SCAMP4: variants seen among roughly 807,000 people sequenced by gnomAD.
SCAMP4 encodes secretory carrier membrane protein 4.
SCAMP4 carries 19 observed loss-of-function variants against 32.1 expected under a neutral mutation model. The ratio of observed to expected loss-of-function variants is 0.59; its 90% confidence interval spans 0.41 to 0.87. SCAMP4 has a LOEUF of 0.87. Ranked by LOEUF, SCAMP4 falls within the 40% of genes least tolerant of loss-of-function variation. SCAMP4 has a pLI of 0.00. For missense variants in SCAMP4, 302 were observed against 309.0 expected (o/e 0.98, Z 0.17); for synonymous variants, 152 against 132.7 (o/e 1.15, Z -1.00).
rs144457634 is a variant in SCAMP4 at position 1,916,932 on chromosome 19, C to T, written c.8-762C>T. Among the ~76,000 whole-genome samples, 293 of 152,380 alleles carry T rather than the reference C, an allele frequency of 1.9e-3. 3 individuals carry two copies. The highest frequency in any genetic ancestry group is 0.017 in the Middle Eastern group (5 of 294). ...GATACTAAATGCAGCCTGCTGCAGC[C>T]GCACCCACACTAAACATGGAGGAGG... On this transcript the variant is annotated intron_variant, in intron 2 of 6. Transcript: ENST00000316097.
intron 3 of SCAMP4, 76 bp from the exon 4 acceptor site, chr19:1,918,051 C>G (rs1488780009): frequency 1.3e-6 from 2 of 1,534,272 alleles, no homozygotes; most frequent in South Asian, 2.4e-5. Context: ...CAGCGGGTGC[C>G]CCATTGCTGG....
intron 1 of SCAMP4, 54 bp from the exon 2 acceptor site, chr19:1,914,925 G>A: frequency 3.4e-6 from 5 of 1,482,360 alleles, no homozygotes; most frequent in Non-Finnish European, 4.7e-6. Context: ...TGGGTGGTTA[G>A]CGCTCTGCCC....
chr19:1,909,190 G>C (rs996048228), intron 1 of SCAMP4, among the ~76,000 whole-genome samples: 3 of 152,114 alleles, frequency 2.0e-5, no homozygotes, highest in African/African-American at 7.2e-5. Context: ...GGGGGCAGAT[G>C]CAGGTGGGGG....
chr19:1,920,477 C>G, intron 5 of SCAMP4: 1 of 700,922 alleles, frequency 1.4e-6, no homozygotes, highest in Non-Finnish European at 1.8e-6. Context: ...TCCAGGGTGG[C>G]TGGGATCTGT....
intron 5 of SCAMP4, among the ~76,000 whole-genome samples, chr19:1,919,892 C>T (rs2013865473): frequency 6.6e-6 from 1 of 151,576 alleles, no homozygotes; most frequent in South Asian, 2.1e-4. Flanking sequence ...TCACTGCAAC[C>T]TTCACCTCCC....
chr19:1,920,091 G>A lies in SCAMP4; in HGVS notation c.395+1101G>A, dbSNP rs546850214. 1.1e-5 allele frequency: 11 copies of A among 976,876 alleles called. No individual in the cohort carries two copies. In the African/African-American group the frequency reaches 1.4e-4, roughly 12 times the overall value. 60.5% of individuals were successfully genotyped at this position (976,876 alleles called of 1,614,324 possible). A position where few individuals can be genotyped will look rare whatever the true frequency, so the allele number is the denominator to read the frequency against. ...CTCCCAAAGTGCTGGGATTACAGGCGTGAGCCACTGTGCCTGGCCAAATTT... is the reference window on the plus strand; with the variant it reads ...CTCCCAAAGTGCTGGGATTACAGGCATGAGCCACTGTGCCTGGCCAAATTT... On this transcript the variant is annotated intron_variant, in intron 5 of 6. Transcript: ENST00000316097.
chr19:1,922,067 C>T (rs2145459949), intron 5 of SCAMP4: 1 of 985,462 alleles, frequency 1.0e-6, no homozygotes. Flanking sequence ...TACGTCGTGC[C>T]TGCCTTTAAG....
Position 1,918,221 on chromosome 19 carries a change from G to A in SCAMP4, c.231G>A (p.Trp77Ter). ...CCAACTTCGGCCTGGCCTTCGTGTGGCTGCTCCTGTTCACGCCTTGCGGCT... is the reference window on the plus strand; with the variant it reads ...CCAACTTCGGCCTGGCCTTCGTGTGACTGCTCCTGTTCACGCCTTGCGGCT... ...SGTNFGLAFVWLLLFTPCGYV... is the reference protein window; with the variant it reads ...SGTNFGLAFV Residue 77 changes from tryptophan (W) to a stop codon, truncating the protein, a stop_gained, in exon 4 of 7, where the codon TGG becomes TGA. Coordinates refer to ENST00000316097, the MANE Select transcript of SCAMP4 (RefSeq NM_079834.4). LOFTEE classifies it high-confidence loss of function. 3 of 1,611,384 alleles carry A rather than the reference G, an allele frequency of 1.9e-6. No homozygotes were observed. The highest frequency in any genetic ancestry group is 2.5e-6 in the Non-Finnish European group (3 of 1,179,794).
Position 1,923,743 on chromosome 19 carries a change from C to T in SCAMP4, c.514-365C>T, listed in dbSNP as rs557056020. Among the ~76,000 whole-genome samples, 37 of 150,614 alleles carry T rather than the reference C, an allele frequency of 2.5e-4. 2 individuals are homozygous for T. Among genetic ancestry groups the T allele is most frequent in the African/African-American group, 7.3e-4 (30 of 40,924 alleles). ...ATGCCATTCTCCTGCCTCAGCCTCC[C>T]GAGTAGCTGGGACTACAGGCGCCCG... On this transcript the variant is annotated intron_variant, in intron 6 of 6. Coordinates refer to ENST00000316097, the MANE Select transcript of SCAMP4 (RefSeq NM_079834.4).
intron 2 of SCAMP4, among the ~76,000 whole-genome samples, chr19:1,916,776 C>G (rs2013746402): frequency 6.6e-6 from 1 of 152,222 alleles, no homozygotes; most frequent in Admixed American, 6.6e-5. Context: ...TTGTTCTAAG[C>G]CTCCCAGTCG....
In SCAMP4 at chr19:1,912,841, G is replaced by C. The variant is rs1312042745; in HGVS notation, c.-41-2138G>C. On this transcript the variant is annotated intron_variant, in intron 1 of 6. Coordinates refer to ENST00000316097, the MANE Select transcript of SCAMP4 (RefSeq NM_079834.4). ...TACGACTTCAGACCCTTCCCCGCCT[G>C]CTCCTTCGCCCCGGCCGCTGCCCCC... The C allele has an allele frequency of 3.8e-6, 6 of 1,594,548 alleles. No homozygotes were observed. The highest frequency in any genetic ancestry group is 1.7e-5 in the Admixed American group (1 of 59,290).
At chr19:1,912,906 G>T in intron 1 of SCAMP4, 1 of 1,609,016 alleles carries the variant, frequency 6.2e-7, no homozygotes, top group Non-Finnish European at 8.5e-7. Flanking sequence ...ACTGGACGCA[G>T]ACGAGGACGG....
intron 5 of SCAMP4, chr19:1,922,508 G>A (rs963570691): frequency 6.1e-5 from 60 of 982,062 alleles, no homozygotes; most frequent in Middle Eastern, 1.0e-3. Context: ...GTGCTGGGAC[G>A]ACAGGCGTAA....
chr19:1,911,983 CT>C (rs2145435336), intron 1 of SCAMP4: 1 of 1,412,076 alleles, frequency 7.1e-7, no homozygotes, highest in African/African-American at 1.5e-5. Flanking sequence ...CACGCCCTGC[CT>C]TGTGGAGCCA....
intron 5 of SCAMP4, chr19:1,920,983 GC>G: frequency 1.0e-6 from 1 of 985,454 alleles, no homozygotes; most frequent in African/African-American, 1.7e-5. Context: ...AGCTGAGCAT[GC>G]GGTCCCTGCC....
chr19:1,921,244 C>G (rs966732076), intron 5 of SCAMP4: 2 of 984,860 alleles, frequency 2.0e-6, no homozygotes, highest in Non-Finnish European at 2.4e-6. Context: ...GGGCAAGAGG[C>G]GACAGCCCCG....
chr19:1,909,965 T>C (rs893565474), intron 1 of SCAMP4, among the ~76,000 whole-genome samples: 2 of 152,230 alleles, frequency 1.3e-5, no homozygotes, highest in African/African-American at 4.8e-5. Context: ...GGCGAGTGTT[T>C]ACAGAAACCA....
intron 5 of SCAMP4, chr19:1,920,532 C>G: frequency 1.1e-6 from 1 of 915,384 alleles, no homozygotes. Context: ...GGTCTGTCAC[C>G]TGCCACCCCA....
chr19:1,919,912 C>T (rs577784456), intron 5 of SCAMP4, among the ~76,000 whole-genome samples: 2 of 151,878 alleles, frequency 1.3e-5, no homozygotes, highest in African/African-American at 4.8e-5. Context: ...CAGGTTCAAG[C>T]GATTCTCCTG....
Sources: gnomAD v4.1 joint callset for allele counts (sites outside exome capture counted in the v4.1 genomes callset) on GRCh38, gnomAD v4.1.1 for gene constraint, MANE v1.5 for transcripts, NCBI Gene and HGNC (gene_info 2026-07-23, HGNC 2026-07-21) for gene names.